Variants in PPFIBP1 observed in about 807,000 individuals in gnomAD.
PPFIBP1 encodes the protein PPFIB scaffold protein 1.
A neutral mutation model predicts 137.8 loss-of-function variants in PPFIBP1; 112 were observed. That is an observed-to-expected ratio of 0.81 (90% CI 0.70 to 0.95). The LOEUF (loss-of-function observed/expected upper bound fraction) is 0.95. Among genes scored for constraint, PPFIBP1 ranks in the 40% least tolerant of loss-of-function variants. PPFIBP1 has a pLI of 0.00. For synonymous variants in PPFIBP1, 378 were observed against 417.3 expected (o/e 0.91, Z 1.15); for missense variants, 1,083 against 1,196.6 (o/e 0.91, Z 1.40).
intron 1 of PPFIBP1, among the ~76,000 whole-genome samples, chr12:27,569,556 TTTTG>T (rs2049967978): frequency 1.3e-5 from 2 of 152,260 alleles, no homozygotes; most frequent in Middle Eastern, 3.4e-3. Context: ...ATCTACATTT[TTTTG>T]TTTGTTTGTT....
At chr12:27,627,370 A>G (rs1437567188) in intron 2 of PPFIBP1, among the ~76,000 whole-genome samples, 1 of 152,190 alleles carries the variant, frequency 6.6e-6, no homozygotes, top group Non-Finnish European at 1.5e-5. Context: ...TTTCATAATG[A>G]CCACAGAATA....
chr12:27,553,960 A>G (rs1398509509), intron 1 of PPFIBP1, among the ~76,000 whole-genome samples: 7 of 152,062 alleles, frequency 4.6e-5, no homozygotes, highest in Admixed American at 4.6e-4. Flanking sequence ...CCTTGGGTAA[A>G]CCTGCTGTCT....
chr12:27,630,978 C>G (rs1335822797), intron 2 of PPFIBP1, among the ~76,000 whole-genome samples: 1 of 152,130 alleles, frequency 6.6e-6, no homozygotes, highest in East Asian at 1.9e-4. Context: ...GCTGAGTCTG[C>G]AGGGTTGTAG....
chr12:27,590,254 C>A (rs1006984402), intron 2 of PPFIBP1, among the ~76,000 whole-genome samples: 3 of 152,118 alleles, frequency 2.0e-5, no homozygotes, highest in Admixed American at 6.6e-5. Context: ...CTTCTCACTG[C>A]ACCCTCTGCC....
intron 2 of PPFIBP1, among the ~76,000 whole-genome samples, chr12:27,585,100 A>G (rs1002314781): frequency 2.0e-5 from 3 of 152,226 alleles, no homozygotes; most frequent in Non-Finnish European, 4.4e-5. Context: ...GAGGTTATGT[A>G]TCATGCTCAT....
chr12:27,647,442 A>G (rs563983187), intron 5 of PPFIBP1, among the ~76,000 whole-genome samples: 43 of 152,330 alleles, frequency 2.8e-4, no homozygotes, highest in African/African-American at 9.9e-4. Flanking sequence ...TAACTTCTGT[A>G]CATGCTGTCT....
Position 27,616,147 on chromosome 12 carries a change from T to C in PPFIBP1, c.-35-17215T>C, listed in dbSNP as rs117689558. 1.8e-3 allele frequency among the ~76,000 whole-genome samples: 269 copies of C among 152,138 alleles called. 8 individuals carry two copies. In the East Asian group the frequency reaches 0.049, roughly 27 times the overall value. ...CCTCCTCTTTTCCCTCCTTTCCTTTTTATACCCCATCTGCATTGTTTTCAA... is the reference window on the plus strand; with the variant it reads ...CCTCCTCTTTTCCCTCCTTTCCTTTCTATACCCCATCTGCATTGTTTTCAA... On this transcript the variant is annotated intron_variant, in intron 2 of 29. Coordinates refer to ENST00000228425, the MANE Select transcript of PPFIBP1 (RefSeq NM_003622.4).
chr12:27,660,818 T>C, intron 10 of PPFIBP1, 66 bp from the exon 11 acceptor site: 1 of 1,563,064 alleles, frequency 6.4e-7, no homozygotes, highest in Non-Finnish European at 8.6e-7. Context: ...GTCTGGAGAG[T>C]AAATAACTTC....
intron 6 of PPFIBP1, among the ~76,000 whole-genome samples, chr12:27,649,629 T>A (rs1231728721): frequency 6.6e-6 from 1 of 152,054 alleles, no homozygotes; most frequent in East Asian, 1.9e-4. Context: ...CCGCTCCCTG[T>A]AACCTCCGCC....
rs138768220 is a variant in PPFIBP1, at chr12:27,527,392, A to G, written c.-124+3027A>G. On this transcript the variant is annotated intron_variant, in intron 1 of 29. Transcript: ENST00000228425. Reference sequence around the variant, plus strand: ...GCCTTCCCTGGGACTACAGTCATGCACCAACATGCCCGGTTAATTTTTGTA... The same window carrying G: ...GCCTTCCCTGGGACTACAGTCATGCGCCAACATGCCCGGTTAATTTTTGTA... Among the ~76,000 whole-genome samples, 109 of 151,976 alleles carry G rather than the reference A, an allele frequency of 7.2e-4. 1 individual carries two copies. In the East Asian group the frequency reaches 0.021, roughly 29 times the overall value.
At chr12:27,683,306 C>G (rs963415870) in intron 24 of PPFIBP1, among the ~76,000 whole-genome samples, 47 of 152,348 alleles carry the variant, frequency 3.1e-4, no homozygotes, top group African/African-American at 1.1e-3. Context: ...CTCAAGCGAC[C>G]TGCCTGCCTC....
chr12:27,526,097 T>C (rs1943718710), intron 1 of PPFIBP1, among the ~76,000 whole-genome samples: 1 of 152,162 alleles, frequency 6.6e-6, no homozygotes, highest in South Asian at 2.1e-4. Flanking sequence ...ACTTTTTCAG[T>C]AGGATAGAGC....
chr12:27,665,042 G>T (rs1195923591), intron 12 of PPFIBP1, among the ~76,000 whole-genome samples: 2 of 152,168 alleles, frequency 1.3e-5, no homozygotes, highest in Non-Finnish European at 2.9e-5. Context: ...AAAAAAATTA[G>T]CTGGGCATGG....
At position 27,578,185 on chromosome 12, in the gene PPFIBP1, C is replaced by T. The variant is rs1357728173; in HGVS notation, c.-90C>T. The T allele has an allele frequency of 6.6e-6, 1 of 151,774 alleles. No individual in the cohort carries two copies. The highest frequency in any genetic ancestry group is 1.5e-5 in the Non-Finnish European group (1 of 67,954). 9.4% of individuals were successfully genotyped at this position (151,774 alleles called of 1,614,324 possible). ...AACGTGTGGATCACTTTGCTGAGTA[C>T]ATCCAAGATTTGAAGAACTGAAATA... On this transcript the variant is annotated 5_prime_UTR_variant, in exon 2 of 30. Transcript: ENST00000228425.
rs762683467 is a variant in PPFIBP1, at chr12:27,682,643, A to G, written c.2187A>G (p.Gln729=). The G allele has an allele frequency of 8.1e-6, 13 of 1,614,144 alleles. No individual in the cohort carries two copies. The highest frequency in any genetic ancestry group is 2.2e-5 in the East Asian group (1 of 44,888). Residue 729 remains glutamine (Q), a synonymous_variant, in exon 24 of 30, where the codon CAA becomes CAG. Transcript: ENST00000228425. ...TRWLDDIGLP[Q]YKTQFDEGRV... is the part of the protein sequence containing the mutation. ...GGTTGGATGACATTGGCCTCCCTCA[A>G]TATAAGACCCAGTTTGATGAAGGAC...
chr12:27,633,557 A>C, intron 3 of PPFIBP1, 97 bp downstream of exon 3: 3 of 1,089,724 alleles, frequency 2.8e-6, no homozygotes, highest in Non-Finnish European at 2.6e-6. Context: ...CTTTATTTTC[A>C]TTTTTTAGAC....
intron 6 of PPFIBP1, among the ~76,000 whole-genome samples, chr12:27,648,364 A>T (rs2058672700): frequency 1.3e-5 from 2 of 152,196 alleles, no homozygotes; most frequent in Non-Finnish European, 2.9e-5. Context: ...GCTGGCAAAG[A>T]TGTGAAGAAA....
At chr12:27,548,251 T>C (rs1946418162) in intron 1 of PPFIBP1, 1 of 152,178 alleles carries the variant, frequency 6.6e-6, no homozygotes, top group Admixed American at 6.5e-5. Flanking sequence ...TGTATATAAA[T>C]GCAGTTGAAT....
rs184567379 is a variant in PPFIBP1 at position 27,619,121 on chromosome 12, G to A, written c.-35-14241G>A. Reference sequence around the variant, plus strand: ...GCCATGACATTCAGTTTTTATATACGAGATCCAGGCACAGCCGTCACTGGG... The same window carrying A: ...GCCATGACATTCAGTTTTTATATACAAGATCCAGGCACAGCCGTCACTGGG... On this transcript the variant is annotated intron_variant, in intron 2 of 29. Transcript: ENST00000228425. Among the ~76,000 whole-genome samples, 27 of 152,012 alleles carry A rather than the reference G, an allele frequency of 1.8e-4. No individual in the cohort carries two copies. In the East Asian group the frequency reaches 2.5e-3, roughly 14 times the overall value.
Sources: gnomAD v4.1 joint callset for allele counts (sites outside exome capture counted in the v4.1 genomes callset) on GRCh38, gnomAD v4.1.1 for gene constraint, MANE v1.5 for transcripts, NCBI Gene and HGNC (gene_info 2026-07-23, HGNC 2026-07-21) for gene names.